The following THADA variants were observed in gnomAD, a reference collection of about 807,000 sequenced individuals.
The protein encoded by THADA is tRNA (32-2'-O)-methyltransferase regulator THADA.
Under a neutral mutation model 219.8 loss-of-function variants are expected in THADA, and 213 were observed. That is an observed-to-expected ratio of 0.97 (90% confidence interval 0.87 to 1.09). The LOEUF (loss-of-function observed/expected upper bound fraction) is 1.09. Among genes scored for constraint, THADA ranks in the 50% least tolerant of loss-of-function variants. THADA has a pLI of 0.00. For synonymous variants in THADA, 1,018 were observed against 828.9 expected, an observed-to-expected ratio of 1.23 and a Z score of -3.92; for missense variants, 2,956 against 2,311.3, an observed-to-expected ratio of 1.28 and a Z score of -5.72.
chr2:43,356,253 T>C (rs1668862227), intron 29 of THADA, among the ~76,000 whole-genome samples: 1 of 152,128 alleles, frequency 6.6e-6, no homozygotes, highest in Non-Finnish European at 1.5e-5. Flanking sequence ...TGGATTCCTA[T>C]CTAAAGCCTT....
At chr2:43,587,655 C>T (rs1477350337) in intron 4 of THADA, among the ~76,000 whole-genome samples, 1 of 152,126 alleles carries the variant, frequency 6.6e-6, no homozygotes. Context: ...AATTGTAACC[C>T]TCACCCCATC....
intron 27 of THADA, among the ~76,000 whole-genome samples, chr2:43,428,716 A>G (rs1406075713): frequency 6.6e-6 from 1 of 152,204 alleles, no homozygotes; most frequent in Non-Finnish European, 1.5e-5. Context: ...CATCATAAGA[A>G]AAAACTACTA....
intron 29 of THADA, among the ~76,000 whole-genome samples, chr2:43,393,519 C>A (rs1294645422): frequency 6.6e-6 from 1 of 152,176 alleles, no homozygotes; most frequent in East Asian, 1.9e-4. Context: ...ACCAGTCTGG[C>A]CAACATGGTG....
chr2:43,430,852 T>G (rs1679156846), intron 26 of THADA, among the ~76,000 whole-genome samples: 1 of 152,230 alleles, frequency 6.6e-6, no homozygotes, highest in South Asian at 2.1e-4. Flanking sequence ...GAAAATGTCT[T>G]TAGACATTGC....
chr2:43,393,233 T>C (rs1673613467), intron 29 of THADA, among the ~76,000 whole-genome samples: 1 of 152,182 alleles, frequency 6.6e-6, no homozygotes, highest in Non-Finnish European at 1.5e-5. Flanking sequence ...ATAACACAAA[T>C]AGATTTACTT....
At chr2:43,445,107 G>C (rs72790932) in intron 26 of THADA, among the ~76,000 whole-genome samples, 9 of 152,212 alleles carry the variant, frequency 5.9e-5, no homozygotes, top group Non-Finnish European at 1.3e-4. Flanking sequence ...CCCCACAAGA[G>C]AGAAATCATC....
chr2:43,590,451 C>T (rs1452571371), intron 4 of THADA, among the ~76,000 whole-genome samples: 1 of 151,584 alleles, frequency 6.6e-6, no homozygotes, highest in South Asian at 2.1e-4. Context: ...GCTGAGAAGG[C>T]GGATCACAAG....
chr2:43,238,334 A>G (rs1460126581), intron 36 of THADA, among the ~76,000 whole-genome samples: 1 of 152,142 alleles, frequency 6.6e-6, no homozygotes, highest in African/African-American at 2.4e-5. Flanking sequence ...TCTAAACTAC[A>G]TAAAGAACTC....
intron 36 of THADA, among the ~76,000 whole-genome samples, chr2:43,242,389 A>T (rs1376853800): frequency 6.6e-6 from 1 of 152,246 alleles, no homozygotes; most frequent in Non-Finnish European, 1.5e-5. Flanking sequence ...ACATTTAGAT[A>T]AACAACTTGT....
chr2:43,234,996 C>T (rs11682778), intron 36 of THADA, among the ~76,000 whole-genome samples: 42,167 of 143,834 alleles, frequency 0.29, 7,693 homozygotes, highest in African/African-American at 0.54. Flanking sequence ...TTTTTTTTTT[C>T]TCAGACTGAG....
At chr2:43,349,222 G>A (rs998144286) in intron 29 of THADA, among the ~76,000 whole-genome samples, 1 of 152,138 alleles carries the variant, frequency 6.6e-6, no homozygotes, top group African/African-American at 2.4e-5. Context: ...CTGATTTCTT[G>A]CCCCTGAGAT....
intron 21 of THADA, among the ~76,000 whole-genome samples, chr2:43,535,974 T>A (rs1694547349): frequency 6.6e-6 from 1 of 152,078 alleles, no homozygotes; most frequent in Non-Finnish European, 1.5e-5. Flanking sequence ...CAGCTAATTT[T>A]TGTATTTTTA....
intron 35 of THADA, among the ~76,000 whole-genome samples, chr2:43,280,466 T>C (rs1218294529): frequency 6.6e-6 from 1 of 152,040 alleles, no homozygotes; most frequent in Non-Finnish European, 1.5e-5. Context: ...ACCCCGTCTC[T>C]ACTAAAAATA....
chr2:43,565,932 C>G (rs966571120), intron 15 of THADA: 1 of 152,110 alleles, frequency 6.6e-6, no homozygotes, highest in Admixed American at 6.6e-5. Flanking sequence ...ACTAAAAATA[C>G]AAAAAATTAG....
intron 15 of THADA, chr2:43,565,826 G>C (rs1180386352): frequency 6.6e-6 from 1 of 152,564 alleles, no homozygotes; most frequent in Non-Finnish European, 1.5e-5. Context: ...GGTGGCTCAC[G>C]CCTGTAATCT....
At chr2:43,523,611 CT>C (rs1183581499) in intron 22 of THADA, among the ~76,000 whole-genome samples, 2 of 152,124 alleles carry the variant, frequency 1.3e-5, no homozygotes, top group African/African-American at 4.8e-5. Context: ...CTATAATTAA[CT>C]GATGAAAGTT....
chr2:43,507,235 CT>C (rs34040321), intron 23 of THADA, among the ~76,000 whole-genome samples: 8 of 152,116 alleles, frequency 5.3e-5, no homozygotes, highest in Non-Finnish European at 8.8e-5. Context: ...GGAACCACGG[CT>C]TTTTTCTCCC....
At chr2:43,453,702 T>C (rs963924704) in intron 26 of THADA, among the ~76,000 whole-genome samples, 1 of 152,308 alleles carries the variant, frequency 6.6e-6, no homozygotes, top group East Asian at 1.9e-4. Flanking sequence ...AGGAATTTGC[T>C]TGGCCCCAAG....
In THADA at chr2:43,545,272, T is replaced by C. The variant is rs557403018; in HGVS notation, c.3106+3938A>G. 5.4e-3 allele frequency among the ~76,000 whole-genome samples: 815 copies of C among 151,790 alleles called. 8 individuals carry two copies. Among genetic ancestry groups the C allele is most frequent in the African/African-American group, 0.019 (764 of 41,164 alleles). ...TTTTTAATGTGCTGCTGGATTCGGTTTGCCAGTATTTTATTGAGGATTTTT... is the reference window on the plus strand; with the variant it reads ...TTTTTAATGTGCTGCTGGATTCGGTCTGCCAGTATTTTATTGAGGATTTTT... On this transcript the variant is annotated intron_variant, in intron 20 of 37. Transcript: ENST00000405975.
Sources: allele counts gnomAD v4.1 joint callset (sites outside exome capture counted in the v4.1 genomes callset), GRCh38; gene constraint gnomAD v4.1.1; transcripts MANE v1.5; gene names NCBI Gene and HGNC (gene_info 2026-07-23, HGNC 2026-07-21).